The following DPH6 variants were observed in gnomAD, a reference collection of about 807,000 sequenced individuals.
DPH6 encodes diphthamine biosynthesis 6.
In DPH6, 33 loss-of-function variants were observed where a neutral mutation model predicts 38.2. The ratio of observed to expected loss-of-function variants is 0.86; its 90% CI spans 0.65 to 1.15. The LOEUF (loss-of-function observed/expected upper bound fraction) is 1.15, where lower values mean the gene tolerates loss of function less well. Ranked by LOEUF, DPH6 falls within the 50% of genes most tolerant of loss-of-function variation. The pLI is 0.00. For missense variants in DPH6, 325 were observed against 320.0 expected (o/e 1.02, Z -0.12); for synonymous variants, 108 against 103.0 (o/e 1.05, Z -0.30).
chr15:35,303,205 G>C (rs1486334031), intron 3 of DPH6, among the ~76,000 whole-genome samples: 1 of 151,914 alleles, frequency 6.6e-6, no homozygotes, highest in Non-Finnish European at 1.5e-5. Context: ...AGAAATATTA[G>C]TTCCATTCCT....
Position 35,243,175 on chromosome 15 carries a change from A to G in DPH6, n.201-22593T>C, listed in dbSNP as rs1414462879. On this transcript the variant is annotated intron_variant and non_coding_transcript_variant, in intron 3 of 3. Transcript: ENST00000560386. Reference sequence around the variant, plus strand: ...TCCAGGCCATCACCAATAATTCTACATGACAAATGTTTCTTCTAACATCCC... The same window carrying G: ...TCCAGGCCATCACCAATAATTCTACGTGACAAATGTTTCTTCTAACATCCC... Among the ~76,000 whole-genome samples the G allele has an allele frequency of 1.4e-5, 2 of 141,920 alleles. 1 individual carries two copies. The highest frequency in any genetic ancestry group is 3.1e-5 in the Non-Finnish European group (2 of 65,070). 93.1% of individuals were successfully genotyped at this position (141,920 alleles called of 152,430 possible).
chr15:35,197,496 A>G, the DPH6 span, among the ~76,000 whole-genome samples: 1 of 152,210 alleles, frequency 6.6e-6, no homozygotes, highest in African/African-American at 2.4e-5. Flanking sequence ...GGCCAGGGAT[A>G]TGAGTGCTAT....
In DPH6 at chr15:35,387,468, C is replaced by T. The variant is rs1210347334; in HGVS notation, c.568-5552G>A. The stretch of plus-strand genomic sequence containing the variant: ...TTTTCACGATATTGATTCTTCCTAC[C>T]CAGGAGCATGGAATATTCTTCCATT... On this transcript the variant is annotated intron_variant, in intron 6 of 8. Coordinates refer to ENST00000256538, the MANE Select transcript of DPH6 (RefSeq NM_080650.4). Among the ~76,000 whole-genome samples the T allele has an allele frequency of 3.3e-5, 5 of 152,128 alleles. No homozygotes were observed. In the East Asian group the frequency reaches 9.6e-4, roughly 29 times the overall value.
chr15:35,451,649 C>T (rs1021044680), intron 4 of DPH6, among the ~76,000 whole-genome samples: 9 of 152,178 alleles, frequency 5.9e-5, no homozygotes, highest in Non-Finnish European at 1.0e-4. Context: ...ATCCTAATTT[C>T]CTTCCCTGCT....
At chr15:35,313,256 T>A (rs984813486) in intron 3 of DPH6, among the ~76,000 whole-genome samples, 4 of 151,512 alleles carry the variant, frequency 2.6e-5, no homozygotes, top group Non-Finnish European at 5.9e-5. Context: ...TTTTTTTTTT[T>A]AAATCAGGTA....
chr15:35,172,217 A>G, the DPH6 span, among the ~76,000 whole-genome samples: 1 of 152,178 alleles, frequency 6.6e-6, no homozygotes, highest in Non-Finnish European at 1.5e-5. Context: ...GTTTGTGTAC[A>G]TTGAACCACC....
intron 3 of DPH6, among the ~76,000 whole-genome samples, chr15:35,531,275 ATAAAG>A (rs1165122220): frequency 2.0e-5 from 3 of 152,216 alleles, no homozygotes; most frequent in East Asian, 3.8e-4. Flanking sequence ...CAGCATTTTC[ATAAAG>A]TAGTGTGCAG....
chr15:35,239,599 G>A lies in DPH6; in HGVS notation n.201-19017C>T, dbSNP rs953494979. ...ACCCCTTCTCTGCCTTTCCTGGGGC[G>A]GGGGCAAGTACCCCTCAACCCCTTC... On this transcript the variant is annotated intron_variant and non_coding_transcript_variant, in intron 3 of 3. Transcript: ENST00000560386. Among the ~76,000 whole-genome samples the A allele has an allele frequency of 2.5e-4, 35 of 138,752 alleles. 6 individuals carry two copies. The highest frequency in any genetic ancestry group is 1.4e-3 in the East Asian group (6 of 4,292). The allele number at this position is 138,752 out of a possible 152,430, so 91.0% of individuals were successfully genotyped here. A position where few individuals can be genotyped will look rare whatever the true frequency, so the allele number is the denominator to read the frequency against.
chr15:35,378,267 C>A (rs975611606), intron 7 of DPH6, among the ~76,000 whole-genome samples: 1 of 152,124 alleles, frequency 6.6e-6, no homozygotes, highest in Non-Finnish European at 1.5e-5. Flanking sequence ...CAAATCAAAA[C>A]CACAATGAGA....
chr15:35,419,156 T>C (rs1595546871), intron 5 of DPH6, among the ~76,000 whole-genome samples: 1 of 152,024 alleles, frequency 6.6e-6, no homozygotes, highest in East Asian at 1.9e-4. Context: ...GTAGATACCA[T>C]TTTTAAAACT....
chr15:35,268,873 C>T (rs192099668), intron 3 of DPH6, among the ~76,000 whole-genome samples: 1 of 151,860 alleles, frequency 6.6e-6, no homozygotes, highest in East Asian at 1.9e-4. Context: ...AGGAAGAGGG[C>T]AGGAAAGACC....
At chr15:35,416,646 T>A (rs902467393) in intron 5 of DPH6, among the ~76,000 whole-genome samples, 5 of 152,116 alleles carry the variant, frequency 3.3e-5, no homozygotes, top group African/African-American at 1.2e-4. Flanking sequence ...CATATGTCTT[T>A]ATCTCCTGAT....
At chr15:35,498,968 T>C (rs868236776) in intron 3 of DPH6, among the ~76,000 whole-genome samples, 1 of 137,544 alleles carries the variant, frequency 7.3e-6, no homozygotes, top group East Asian at 2.1e-4. Context: ...AAAAAAAAAG[T>C]ATCCCGTTAT....
At chr15:35,452,485 ATCTCTCTCTC>A (rs58439057) in intron 4 of DPH6, among the ~76,000 whole-genome samples, 24 of 149,888 alleles carry the variant, frequency 1.6e-4, no homozygotes, top group East Asian at 2.0e-4. Flanking sequence ...GCCTATATTG[ATCTCTCTCTC>A]TCTCTCTCTC....
At chr15:35,275,063 C>T (rs1393098835) in intron 3 of DPH6, among the ~76,000 whole-genome samples, 4 of 151,938 alleles carry the variant, frequency 2.6e-5, no homozygotes, top group African/African-American at 4.8e-5. Context: ...TACAGGTGCC[C>T]GCCACCACGC....
At chr15:35,228,480 G>C (rs1293409868) in intron 3 of DPH6, among the ~76,000 whole-genome samples, 1 of 152,168 alleles carries the variant, frequency 6.6e-6, no homozygotes, top group Non-Finnish European at 1.5e-5. Context: ...CTAGGCTGGA[G>C]TGCAGTGGCA....
At chr15:35,248,882 C>A (rs151007205) in intron 3 of DPH6, among the ~76,000 whole-genome samples, 39 of 152,158 alleles carry the variant, frequency 2.6e-4, no homozygotes, top group African/African-American at 9.4e-4. Context: ...GAAATCATTC[C>A]CAGTAATGGT....
intron 3 of DPH6, among the ~76,000 whole-genome samples, chr15:35,274,887 A>G (rs2051847251): frequency 6.6e-6 from 1 of 151,770 alleles, no homozygotes; most frequent in Non-Finnish European, 1.5e-5. Flanking sequence ...CAATCCCATT[A>G]TTGGGTATAT....
chr15:35,177,316 T>G, the DPH6 span, among the ~76,000 whole-genome samples: 1 of 151,970 alleles, frequency 6.6e-6, no homozygotes, highest in Non-Finnish European at 1.5e-5. Flanking sequence ...GGCTCCAGCC[T>G]GTAATCTCAG....
Sources: gnomAD v4.1 joint callset for allele counts (sites outside exome capture counted in the v4.1 genomes callset) on GRCh38, gnomAD v4.1.1 for gene constraint, MANE v1.5 for transcripts, NCBI Gene and HGNC (gene_info 2026-07-23, HGNC 2026-07-21) for gene names.